The following ROBO1 variants were observed in gnomAD, a reference collection of about 807,000 sequenced individuals.
The protein encoded by ROBO1 is roundabout guidance receptor 1.
Under a neutral mutation model 195.9 loss-of-function variants are expected in ROBO1, and 149 were observed. The observed-to-expected ratio is 0.76, with a 90% CI of 0.67 to 0.87. The LOEUF is 0.87. Ranked by LOEUF, ROBO1 falls within the 40% of genes least tolerant of loss-of-function variation. The pLI is 0.00. For synonymous variants in ROBO1, 816 were observed against 733.2 expected (o/e 1.11, Z -1.82); for missense variants, 1,933 against 2,068.3 (o/e 0.93, Z 1.27).
intron 4 of ROBO1, among the ~76,000 whole-genome samples, chr3:78,842,170 G>A (rs1188633873): frequency 8.8e-6 from 1 of 114,244 alleles, no homozygotes. Context: ...ACACACACAC[G>A]TACTATATAT....
chr3:78,898,807 T>TA, intron 4 of ROBO1, among the ~76,000 whole-genome samples: 1 of 152,296 alleles, frequency 6.6e-6, no homozygotes, highest in South Asian at 2.1e-4. Context: ...AGTCCATACA[T>TA]AAATTTTGTG....
At chr3:78,703,665 G>A (rs1364203241) in intron 8 of ROBO1, among the ~76,000 whole-genome samples, 1 of 151,926 alleles carries the variant, frequency 6.6e-6, no homozygotes, top group Non-Finnish European at 1.5e-5. Flanking sequence ...TCCCTTAAGG[G>A]TAGCATTTTG....
At chr3:79,556,496 A>G (rs1021210370) in intron 2 of ROBO1, among the ~76,000 whole-genome samples, 1 of 152,090 alleles carries the variant, frequency 6.6e-6, no homozygotes, top group Non-Finnish European at 1.5e-5. Flanking sequence ...CACTCACCAA[A>G]CTGCATAAAA....
At chr3:78,862,005 G>A (rs998672250) in intron 4 of ROBO1, among the ~76,000 whole-genome samples, 7 of 152,170 alleles carry the variant, frequency 4.6e-5, no homozygotes, top group East Asian at 1.9e-4. Context: ...CCTAGAACAC[G>A]TGAATATGCT....
intron 1 of ROBO1, among the ~76,000 whole-genome samples, chr3:79,672,534 A>T (rs1376693926): frequency 6.6e-6 from 1 of 151,964 alleles, no homozygotes; most frequent in East Asian, 1.9e-4. Context: ...AGTACACAGG[A>T]TAAATATCAG....
intron 3 of ROBO1, among the ~76,000 whole-genome samples, chr3:79,050,306 A>G (rs2078672947): frequency 6.6e-6 from 1 of 152,210 alleles, no homozygotes; most frequent in Admixed American, 6.5e-5. Flanking sequence ...AAAGAAGGCC[A>G]TTACATAATG....
At chr3:78,947,199 C>T (rs1355376827) in intron 3 of ROBO1, among the ~76,000 whole-genome samples, 11 of 152,154 alleles carry the variant, frequency 7.2e-5, no homozygotes, top group Non-Finnish European at 7.4e-5. Flanking sequence ...GAACTCTCCA[C>T]CCCAAATCAA....
At chr3:79,460,648 C>T (rs1203230858) in intron 2 of ROBO1, among the ~76,000 whole-genome samples, 1 of 152,170 alleles carries the variant, frequency 6.6e-6, no homozygotes, top group Admixed American at 6.5e-5. Context: ...TTTTATAACC[C>T]TAATGGGAAC....
intron 3 of ROBO1, among the ~76,000 whole-genome samples, chr3:78,939,314 A>C (rs1189861730): frequency 1.3e-5 from 2 of 152,080 alleles, no homozygotes; most frequent in African/African-American, 2.4e-5. Context: ...ATCAGTCAAC[A>C]CTTCAACAAA....
At chr3:79,223,980 G>A (rs1252710044) in intron 2 of ROBO1, among the ~76,000 whole-genome samples, 3 of 151,982 alleles carry the variant, frequency 2.0e-5, no homozygotes, top group Admixed American at 2.0e-4. Context: ...TTTATTCTAG[G>A]ACAAATGTGT....
At chr3:78,721,921 T>C (rs2082054031) in intron 5 of ROBO1, among the ~76,000 whole-genome samples, 1 of 152,070 alleles carries the variant, frequency 6.6e-6, no homozygotes, top group African/African-American at 2.4e-5. Context: ...AGGAGGGGGA[T>C]TTAGTTAACA....
chr3:79,020,949 T>C (rs910883852), intron 3 of ROBO1, among the ~76,000 whole-genome samples: 1 of 152,114 alleles, frequency 6.6e-6, no homozygotes, highest in African/African-American at 2.4e-5. Context: ...TCTTTTCAGG[T>C]GAGCACATTC....
intron 2 of ROBO1, among the ~76,000 whole-genome samples, chr3:79,584,637 G>GTA (rs1466501931): frequency 1.4e-5 from 2 of 138,258 alleles, no homozygotes; most frequent in African/African-American, 3.0e-5. Flanking sequence ...GTGTGTGTGT[G>GTA]TATGTTCATA....
At chr3:79,274,890 T>G (rs1269007887) in intron 2 of ROBO1, among the ~76,000 whole-genome samples, 1 of 151,896 alleles carries the variant, frequency 6.6e-6, no homozygotes, top group Non-Finnish European at 1.5e-5. Context: ...CTAGAAGAAA[T>G]GAATAAATTC....
At chr3:79,629,887 TCTA>T (rs1945287926) in intron 1 of ROBO1, among the ~76,000 whole-genome samples, 1 of 151,482 alleles carries the variant, frequency 6.6e-6, no homozygotes, top group East Asian at 1.9e-4. Context: ...AACCAGAAAA[TCTA>T]CTAGAAATAA....
At chr3:79,444,564 G>T (rs983482141) in intron 2 of ROBO1, among the ~76,000 whole-genome samples, 2 of 152,074 alleles carry the variant, frequency 1.3e-5, no homozygotes, top group Admixed American at 6.5e-5. Flanking sequence ...ATATGGAATT[G>T]AACATTCATA....
intron 2 of ROBO1, among the ~76,000 whole-genome samples, chr3:79,434,694 C>T (rs1001281450): frequency 3.9e-5 from 6 of 152,040 alleles, no homozygotes; most frequent in East Asian, 1.9e-4. Flanking sequence ...ACCATTTGAC[C>T]CAGCCATCCC....
chr3:79,639,489 GA>G (rs1438812204), intron 1 of ROBO1, among the ~76,000 whole-genome samples: 5 of 151,900 alleles, frequency 3.3e-5, no homozygotes, highest in Non-Finnish European at 7.4e-5. Context: ...AACCAGGTTG[GA>G]AAAAAACTCA....
chr3:78,670,328 AT>A (rs1392291858), intron 10 of ROBO1, 27 bp from the exon 11 acceptor site: 4 of 1,544,300 alleles, frequency 2.6e-6, no homozygotes, highest in Non-Finnish European at 3.5e-6. Flanking sequence ...CAGGAAATAG[AT>A]TTCTGCAACT....
Sources: allele counts gnomAD v4.1 joint callset (sites outside exome capture counted in the v4.1 genomes callset), GRCh38; gene constraint gnomAD v4.1.1; transcripts MANE v1.5; gene names NCBI Gene and HGNC (gene_info 2026-07-23, HGNC 2026-07-21).